G3BP2: variants seen among roughly 807,000 people sequenced by gnomAD.
The protein encoded by G3BP2 is G3BP stress granule assembly factor 2.
In G3BP2, 11 loss-of-function variants were observed where a neutral mutation model predicts 56.7. The ratio of observed to expected loss-of-function variants is 0.19; its 90% CI spans 0.12 to 0.32. The LOEUF (loss-of-function observed/expected upper bound fraction) is 0.32, where lower values mean the gene tolerates loss of function less well. Ranked by LOEUF, G3BP2 falls within the 10% of genes least tolerant of loss-of-function variation. The pLI, the probability that G3BP2 is intolerant of heterozygous loss-of-function variation, is 1.00. For missense variants in G3BP2, 340 were observed against 610.9 expected, an observed-to-expected ratio of 0.56 and a Z score of 4.67; for synonymous variants, 165 against 191.6, an observed-to-expected ratio of 0.86 and a Z score of 1.15.
chr4:75,672,554 A>AG (rs1467368643), intron 1 of G3BP2: 1 of 152,256 alleles, frequency 6.6e-6, no homozygotes, highest in African/African-American at 2.4e-5. Flanking sequence ...TGGCAGGGAG[A>AG]GGGGGGTTGG....
intron 3 of G3BP2, among the ~76,000 whole-genome samples, chr4:75,720,551 C>A (rs1454001394): frequency 6.7e-6 from 1 of 148,760 alleles, no homozygotes. Flanking sequence ...GGCTCACGCA[C>A]TTTGAGAGGC....
chr4:75,719,706 C>T (rs1720072260), intron 3 of G3BP2, among the ~76,000 whole-genome samples: 1 of 152,012 alleles, frequency 6.6e-6, no homozygotes, highest in Non-Finnish European at 1.5e-5. Context: ...TCTCCTGCCT[C>T]AGCCTCCCGA....
intron 7 of G3BP2, among the ~76,000 whole-genome samples, chr4:75,654,342 A>G (rs1265787824): frequency 6.6e-6 from 1 of 152,244 alleles, no homozygotes; most frequent in Admixed American, 6.5e-5. Flanking sequence ...TAGATGAGCA[A>G]GTGGCAAACA....
intron 2 of G3BP2, among the ~76,000 whole-genome samples, chr4:75,720,973 CAAAAAA>C (rs143804378): frequency 2.9e-4 from 20 of 69,570 alleles, no homozygotes; most frequent in South Asian, 1.1e-3. Flanking sequence ...TTCATCTCTA[CAAAAAA>C]AAAAAAAAAA....
intron 3 of G3BP2, among the ~76,000 whole-genome samples, chr4:75,686,194 A>G (rs1458972440): frequency 6.6e-6 from 1 of 152,240 alleles, no homozygotes; most frequent in African/African-American, 2.4e-5. Context: ...GTTTTCCATT[A>G]AGGATTATTT....
chr4:75,679,400 C>A (rs1483435466), intron 3 of G3BP2, among the ~76,000 whole-genome samples: 1 of 152,176 alleles, frequency 6.6e-6, no homozygotes, highest in Non-Finnish European at 1.5e-5. Context: ...TCTTTCCAGC[C>A]ATTATCTGTT....
chr4:75,687,829 T>C (rs1024920401), intron 3 of G3BP2, among the ~76,000 whole-genome samples: 3 of 152,216 alleles, frequency 2.0e-5, no homozygotes, highest in Non-Finnish European at 4.4e-5. Context: ...GATAAATAAC[T>C]GAGCCCCTGG....
Position 75,686,642 on chromosome 4 carries a change from G to C in G3BP2, c.-24-24593C>G, listed in dbSNP as rs569950828. The stretch of plus-strand genomic sequence containing the variant: ...CACAAGCAATTCAGTATTACCACAA[G>C]ATCAAGTCTAAAGTAGAGCATGGCT... On this transcript the variant is annotated intron_variant, in intron 3 of 3. Coordinates refer to the G3BP2 transcript ENST00000499709. 4.6e-5 allele frequency among the ~76,000 whole-genome samples: 7 copies of C among 152,164 alleles called. No individual in the cohort carries two copies. In the South Asian group the frequency reaches 1.5e-3, roughly 32 times the overall value.
At chr4:75,665,641 AC>A (rs764958278) in intron 1 of G3BP2, among the ~76,000 whole-genome samples, 1,666 of 31,550 alleles carry the variant, frequency 0.053, 12 homozygotes, top group South Asian at 0.26. Flanking sequence ...ACACACACAC[AC>A]AAACACACAA....
chr4:75,717,475 A>G (rs1281483242), intron 3 of G3BP2, among the ~76,000 whole-genome samples: 1 of 152,104 alleles, frequency 6.6e-6, no homozygotes, highest in Non-Finnish European at 1.5e-5. Context: ...TGATCTCAAG[A>G]GACAACTCTG....
chr4:75,669,545 C>T (rs565527254), intron 1 of G3BP2, among the ~76,000 whole-genome samples: 8 of 152,234 alleles, frequency 5.3e-5, no homozygotes, highest in African/African-American at 1.9e-4. Context: ...CATCTAAGGC[C>T]CTACACAGAA....
At chr4:75,722,453 A>T (rs1487091154) in intron 1 of G3BP2, among the ~76,000 whole-genome samples, 2 of 152,154 alleles carry the variant, frequency 1.3e-5, no homozygotes, top group Non-Finnish European at 2.9e-5. Context: ...TTAATTATTA[A>T]ATAAGAGGAG....
At chr4:75,656,810 T>C (rs978651550) in intron 5 of G3BP2, 114 bp downstream of exon 5, 4 of 662,314 alleles carry the variant, frequency 6.0e-6, no homozygotes, top group South Asian at 1.8e-5. Flanking sequence ...AAAAGGATGT[T>C]TGACACAGTT....
chr4:75,653,331 T>G (rs548362880), intron 8 of G3BP2, among the ~76,000 whole-genome samples: 4 of 152,302 alleles, frequency 2.6e-5, no homozygotes, highest in East Asian at 3.9e-4. Context: ...GCTGATAAAC[T>G]TAATTAGAAT....
rs1258268590 is a variant in G3BP2, at chr4:75,705,226, A to G, written c.-25+15651T>C. ...GGTCCATTAAACTGCCTGACCTCCC[A>G]GCATTCGGGTTCCTCAGAGATGCAG... On this transcript the variant is annotated intron_variant, in intron 3 of 3. Coordinates refer to the G3BP2 transcript ENST00000499709. Among the ~76,000 whole-genome samples, 6 of 152,314 alleles carry G rather than the reference A, an allele frequency of 3.9e-5. No individual in the cohort carries two copies. In the South Asian group the frequency reaches 1.0e-3, roughly 26 times the overall value.
chr4:75,665,690 A>G (rs1732985455), intron 1 of G3BP2, among the ~76,000 whole-genome samples: 1 of 151,876 alleles, frequency 6.6e-6, no homozygotes, highest in South Asian at 2.1e-4. Flanking sequence ...CACACAGCTA[A>G]GCAACTAACA....
rs182337567 is a variant in G3BP2 at position 75,694,147 on chromosome 4, C to T, written c.-25+26730G>A. Among the ~76,000 whole-genome samples the T allele has an allele frequency of 7.9e-5, 12 of 152,206 alleles. No homozygotes were observed. The East Asian group carries it at 2.1e-3, about 27-fold the overall frequency. On this transcript the variant is annotated intron_variant, in intron 3 of 3. Coordinates refer to the G3BP2 transcript ENST00000499709. ...TTAAAGTGGAAAAGACGGAGAAAAA[C>T]GTGGAAGAAGAGGATGAGGAGAATC...
intron 8 of G3BP2, among the ~76,000 whole-genome samples, chr4:75,651,961 T>G (rs1224126553): frequency 6.6e-6 from 1 of 152,218 alleles, no homozygotes; most frequent in Non-Finnish European, 1.5e-5. Context: ...ATCAATAATC[T>G]ATGTTCAAAG....
intron 3 of G3BP2, among the ~76,000 whole-genome samples, chr4:75,697,380 G>C (rs900117403): frequency 6.6e-6 from 1 of 151,152 alleles, no homozygotes; most frequent in Non-Finnish European, 1.5e-5. Context: ...TAATAATATG[G>C]GGGAGTGATA....
Sources: allele counts gnomAD v4.1 joint callset (sites outside exome capture counted in the v4.1 genomes callset), GRCh38; gene constraint gnomAD v4.1.1; transcripts MANE v1.5; gene names NCBI Gene and HGNC (gene_info 2026-07-23, HGNC 2026-07-21).